DCAF6: variants seen among roughly 807,000 people sequenced by gnomAD.
DCAF6 encodes the protein DDB1- and CUL4-associated factor 6.
Under a neutral mutation model 125.1 loss-of-function variants are expected in DCAF6, and 54 were observed. The observed-to-expected ratio is 0.43, with a 90% CI of 0.35 to 0.54. DCAF6 has a LOEUF of 0.54. DCAF6 is among the 20% of genes least tolerant of loss of function. The pLI is 0.01. For synonymous variants in DCAF6, 371 were observed against 390.4 expected (o/e 0.95, Z 0.58); for missense variants, 934 against 1,161.7 (o/e 0.80, Z 2.85).
At chr1:167,918,292 A>G in the DCAF6 span, 1 of 1,543,084 alleles carries the variant, frequency 6.5e-7, no homozygotes, top group Non-Finnish European at 8.9e-7. Context: ...TTTTGTCCAC[A>G]TCTAGATTGT....
intron 7 of DCAF6, among the ~76,000 whole-genome samples, chr1:167,994,598 A>G (rs1181670299): frequency 6.6e-6 from 1 of 152,230 alleles, no homozygotes; most frequent in Non-Finnish European, 1.5e-5. Flanking sequence ...AATTACTTTC[A>G]CAAGACTACT....
chr1:167,883,691 C>G, the DCAF6 span: 1 of 1,502,610 alleles, frequency 6.7e-7, no homozygotes, highest in Non-Finnish European at 9.3e-7. Context: ...CCCAACACCG[C>G]CCCCACCTCA....
intron 10 of DCAF6, among the ~76,000 whole-genome samples, chr1:168,013,649 T>G (rs767738868): frequency 6.6e-5 from 10 of 152,210 alleles, no homozygotes; most frequent in Non-Finnish European, 1.2e-4. Context: ...CCGCTTTTTT[T>G]TAAGCATCAT....
At chr1:168,047,722 A>C (rs1287838615) in intron 16 of DCAF6, among the ~76,000 whole-genome samples, 1 of 152,028 alleles carries the variant, frequency 6.6e-6, no homozygotes, top group East Asian at 1.9e-4. Context: ...GTGTATATAT[A>C]TATAAAAGAT....
the DCAF6 span, among the ~76,000 whole-genome samples, chr1:167,902,668 C>A: frequency 6.6e-6 from 1 of 152,158 alleles, no homozygotes; most frequent in African/African-American, 2.4e-5. Context: ...TAAATTTTGT[C>A]TAGTGGGTAA....
chr1:167,920,390 C>T, the DCAF6 span, among the ~76,000 whole-genome samples: 1 of 152,176 alleles, frequency 6.6e-6, no homozygotes. Flanking sequence ...TCTGTGACTC[C>T]TCCATCCATA....
intron 1 of DCAF6, among the ~76,000 whole-genome samples, chr1:167,939,661 G>A (rs138534958): frequency 0.084 from 12,848 of 152,178 alleles, 609 homozygotes; most frequent in Middle Eastern, 0.1. Flanking sequence ...TCCTTGGGAG[G>A]CTGAGGCAGG....
At chr1:168,065,195 A>G (rs1692169265) in intron 18 of DCAF6, among the ~76,000 whole-genome samples, 1 of 152,212 alleles carries the variant, frequency 6.6e-6, no homozygotes, top group African/African-American at 2.4e-5. Context: ...TGCTGTAAAT[A>G]TAGTATTGAA....
At chr1:167,925,456 T>TATATATATATATATATACATATAC in the DCAF6 span, among the ~76,000 whole-genome samples, 10 of 111,908 alleles carry the variant, frequency 8.9e-5, no homozygotes, top group African/African-American at 4.1e-4. Flanking sequence ...TATATATATA[T>TATATATATATATATATACATATAC]ATATATATAT....
At chr1:168,019,561 G>T (rs1442906596) in intron 11 of DCAF6, 5 of 456,104 alleles carry the variant, frequency 1.1e-5, no homozygotes, top group Non-Finnish European at 2.2e-5. Flanking sequence ...TGAAGTCATG[G>T]GTTGCTGGCT....
the DCAF6 span, among the ~76,000 whole-genome samples, chr1:167,920,363 T>C: frequency 6.6e-6 from 1 of 152,206 alleles, no homozygotes; most frequent in Non-Finnish European, 1.5e-5. Context: ...CAAAAGCCCA[T>C]TCAGATACTT....
the DCAF6 span, chr1:167,880,049 G>A: frequency 4.4e-5 from 63 of 1,420,244 alleles, no homozygotes; most frequent in Admixed American, 2.5e-4. Context: ...GCTTCCTCCC[G>A]CAAAGCCCAG....
the DCAF6 span, chr1:167,899,496 G>A: frequency 6.2e-7 from 1 of 1,614,226 alleles, no homozygotes; most frequent in East Asian, 2.2e-5. Flanking sequence ...GCAGTTTGGT[G>A]ACAGAATAAC....
At chr1:167,935,661 G>C (rs1229300620), upstream of DCAF6, 1 of 1,268,660 alleles carries the variant, frequency 7.9e-7, no homozygotes, top group East Asian at 2.5e-5. Flanking sequence ...GTTGTCAGAG[G>C]GCCTCTAAAA....
chr1:167,972,325 C>T (rs1677456730), intron 3 of DCAF6, among the ~76,000 whole-genome samples: 1 of 152,134 alleles, frequency 6.6e-6, no homozygotes, highest in Admixed American at 6.5e-5. Flanking sequence ...ACATACATAA[C>T]ACGAATAATA....
At chr1:168,071,744 T>A (rs1693065821) in intron 21 of DCAF6, among the ~76,000 whole-genome samples, 1 of 152,180 alleles carries the variant, frequency 6.6e-6, no homozygotes, top group African/African-American at 2.4e-5. Context: ...TCTCAGGGAC[T>A]CCCTATTGCT....
intron 1 of DCAF6, among the ~76,000 whole-genome samples, chr1:167,945,859 A>G (rs769161919): frequency 3.4e-5 from 5 of 146,632 alleles, no homozygotes; most frequent in Non-Finnish European, 7.5e-5. Context: ...TTTGGTTTTC[A>G]TTTTGAATCA....
chr1:167,981,788 C>T lies in DCAF6; in HGVS notation c.439-5707C>T, dbSNP rs142931976. On this transcript the variant is annotated intron_variant, in intron 4 of 21. Transcript: ENST00000367840. ...TCATTCAGTCCACCATTGATGGGCA[C>T]CTAGGTTGATTCTGTGTCTTTGTTA... 5.0e-3 allele frequency among the ~76,000 whole-genome samples: 755 copies of T among 152,220 alleles called. 6 individuals carry two copies. The highest frequency in any genetic ancestry group is 0.013 in the South Asian group (65 of 4,824).
intron 17 of DCAF6, among the ~76,000 whole-genome samples, chr1:168,054,684 A>G (rs1690383313): frequency 6.6e-6 from 1 of 152,226 alleles, no homozygotes; most frequent in East Asian, 1.9e-4. Flanking sequence ...TGTAAATTTC[A>G]GCTTCACCCT....
Sources: gnomAD v4.1 joint callset for allele counts (sites outside exome capture counted in the v4.1 genomes callset) on GRCh38, gnomAD v4.1.1 for gene constraint, MANE v1.5 for transcripts, NCBI Gene and HGNC (gene_info 2026-07-23, HGNC 2026-07-21) for gene names.